NIPAL2: variants seen among roughly 807,000 people sequenced by gnomAD.
NIPAL2 encodes the protein NIPA like domain containing 2, also known as NIPA-like protein 2.
Under a neutral mutation model 48.9 loss-of-function variants are expected in NIPAL2, and 43 were observed. That is an observed-to-expected ratio of 0.88 (90% CI 0.69 to 1.13). The LOEUF is 1.13. Ranked by LOEUF, NIPAL2 falls within the 50% of genes most tolerant of loss-of-function variation. The pLI, the probability that NIPAL2 is intolerant of heterozygous loss-of-function variation, is 0.00. For missense variants in NIPAL2, 446 were observed against 461.4 expected, an observed-to-expected ratio of 0.97 and a Z score of 0.31; for synonymous variants, 167 against 174.6, an observed-to-expected ratio of 0.96 and a Z score of 0.34.
chr8:98,225,344 T>C (rs1459094947), intron 4 of NIPAL2, among the ~76,000 whole-genome samples: 1 of 152,224 alleles, frequency 6.6e-6, no homozygotes, highest in Non-Finnish European at 1.5e-5. Flanking sequence ...TTGCACTTCC[T>C]TAAATAAATT....
At chr8:98,262,665 C>T (rs1440865431) in intron 1 of NIPAL2, among the ~76,000 whole-genome samples, 1 of 151,082 alleles carries the variant, frequency 6.6e-6, no homozygotes, top group Non-Finnish European at 1.5e-5. Flanking sequence ...CTTAGACTCC[C>T]ACACATTAAT....
At chr8:98,253,429 T>C (rs971250937) in intron 2 of NIPAL2, among the ~76,000 whole-genome samples, 2 of 152,232 alleles carry the variant, frequency 1.3e-5, no homozygotes, top group East Asian at 1.9e-4. Flanking sequence ...ATGAAATGAT[T>C]TAAAATTTTT....
At chr8:98,197,871 A>C (rs114305278) in intron 8 of NIPAL2, among the ~76,000 whole-genome samples, 183 of 152,308 alleles carry the variant, frequency 1.2e-3, no homozygotes, top group East Asian at 8.1e-3. Flanking sequence ...TGAAGTCTTG[A>C]ACCTTTCAAA....
At chr8:98,205,062 G>A in intron 7 of NIPAL2, 49 bp downstream of exon 7, 4 of 1,593,082 alleles carry the variant, frequency 2.5e-6, no homozygotes, top group Non-Finnish European at 3.4e-6. Flanking sequence ...AATGCCCAGA[G>A]AAGCACCGGA....
intron 1 of NIPAL2, among the ~76,000 whole-genome samples, chr8:98,287,048 G>C (rs1332362160): frequency 6.6e-6 from 1 of 152,104 alleles, no homozygotes; most frequent in African/African-American, 2.4e-5. Flanking sequence ...AACATAGGAT[G>C]GGGAAGGGGG....
At chr8:98,226,605 T>C (rs1339763397) in intron 4 of NIPAL2, among the ~76,000 whole-genome samples, 2 of 152,146 alleles carry the variant, frequency 1.3e-5, no homozygotes, top group Non-Finnish European at 2.9e-5. Context: ...TCTCCCTCTC[T>C]TTCTCTCTCT....
At chr8:98,197,741 CA>C (rs1258145751) in intron 8 of NIPAL2, among the ~76,000 whole-genome samples, 2 of 152,208 alleles carry the variant, frequency 1.3e-5, no homozygotes, top group Non-Finnish European at 2.9e-5. Flanking sequence ...TTATAAAAAG[CA>C]ACTCCTCATC....
At chr8:98,250,193 T>A (rs1459658536) in intron 3 of NIPAL2, among the ~76,000 whole-genome samples, 1 of 152,156 alleles carries the variant, frequency 6.6e-6, no homozygotes, top group Non-Finnish European at 1.5e-5. Context: ...CAAGCAACAC[T>A]GCAATAGGTT....
Position 98,294,154 on chromosome 8 carries a change from C to CGCTCGGGCTCCG in NIPAL2, c.-29_-18dup. On this transcript the variant is annotated 5_prime_UTR_variant, in exon 1 of 11. Transcript: ENST00000430223. ...CGCTGCCATGAGGTCTCGCTCCCGG[C>CGCTCGGGCTCCG]GCTCGGGCTCCGGCTCGGGCTGCGG... The CGCTCGGGCTCCG allele has an allele frequency of 7.3e-7, 1 of 1,367,540 alleles. No homozygotes were observed. The highest frequency in any genetic ancestry group is 9.4e-7 in the Non-Finnish European group (1 of 1,059,892). The allele number at this position is 1,367,540 out of a possible 1,614,324, so 84.7% of individuals were successfully genotyped here. A position where few individuals can be genotyped will look rare whatever the true frequency, so the allele number is the denominator to read the frequency against.
chr8:98,260,317 A>T (rs947332369), intron 1 of NIPAL2, among the ~76,000 whole-genome samples: 1 of 152,210 alleles, frequency 6.6e-6, no homozygotes, highest in African/African-American at 2.4e-5. Context: ...TACAGCTCCC[A>T]GTGTGAGCGA....
chr8:98,234,091 G>A (rs1242323521), intron 4 of NIPAL2, among the ~76,000 whole-genome samples: 1 of 152,100 alleles, frequency 6.6e-6, no homozygotes, highest in Non-Finnish European at 1.5e-5. Context: ...GATGTTAGAG[G>A]GATCTAGTGG....
At chr8:98,205,431 A>T (rs1189266961) in intron 6 of NIPAL2, among the ~76,000 whole-genome samples, 185 bp from the exon 7 acceptor site, 1 of 151,920 alleles carries the variant, frequency 6.6e-6, no homozygotes, top group East Asian at 1.9e-4. Flanking sequence ...GCCGTGCTGG[A>T]TATCAAATTT....
chr8:98,200,067 C>T (rs1810732181), intron 8 of NIPAL2, among the ~76,000 whole-genome samples: 1 of 152,200 alleles, frequency 6.6e-6, no homozygotes, highest in African/African-American at 2.4e-5. Flanking sequence ...ATCCTACCGC[C>T]TCAGCCTCCT....
chr8:98,242,466 C>T (rs542557298), intron 3 of NIPAL2, among the ~76,000 whole-genome samples: 228 of 147,532 alleles, frequency 1.5e-3, no homozygotes, highest in Non-Finnish European at 2.5e-3. Context: ...AGATTACAGG[C>T]AAAAGCCACT....
intron 5 of NIPAL2, chr8:98,217,105 G>A: frequency 1.0e-6 from 1 of 985,458 alleles, no homozygotes; most frequent in Non-Finnish European, 1.2e-6. Flanking sequence ...CCCATCTGCA[G>A]CAGACAGGCT....
intron 1 of NIPAL2, among the ~76,000 whole-genome samples, chr8:98,272,036 G>T (rs1479377964): frequency 6.6e-6 from 1 of 152,094 alleles, no homozygotes; most frequent in Non-Finnish European, 1.5e-5. Flanking sequence ...TGCACCCCAG[G>T]AATAAAGCCC....
rs111321772 is a variant in NIPAL2 at position 98,192,759 on chromosome 8, A to G, written c.*219T>C. On this transcript the variant is annotated 3_prime_UTR_variant, in exon 11 of 11. Coordinates refer to ENST00000430223, the MANE Select transcript of NIPAL2 (RefSeq NM_001321635.2). ...CTAGATAATCACTAGGGAGAGGTCCAGGGTGTGGGGAACACTCCAAATCAC... is the reference window on the plus strand; with the variant it reads ...CTAGATAATCACTAGGGAGAGGTCCGGGGTGTGGGGAACACTCCAAATCAC... The G allele has an allele frequency of 1.8e-6, 1 of 567,526 alleles. No individual in the cohort carries two copies. The allele number at this position is 567,526 out of a possible 1,614,324, so 35.2% of individuals were successfully genotyped here.
chr8:98,239,564 T>C (rs1812883499), intron 3 of NIPAL2, among the ~76,000 whole-genome samples: 1 of 152,186 alleles, frequency 6.6e-6, no homozygotes, highest in Non-Finnish European at 1.5e-5. Flanking sequence ...TATAAAACAA[T>C]TGTCAGAATT....
intron 1 of NIPAL2, among the ~76,000 whole-genome samples, chr8:98,258,161 C>G (rs1814022130): frequency 6.6e-6 from 1 of 152,162 alleles, no homozygotes; most frequent in African/African-American, 2.4e-5. Flanking sequence ...TGTGATTCCA[C>G]TTACATGAGG....
Sources: gnomAD v4.1 joint callset for allele counts (sites outside exome capture counted in the v4.1 genomes callset) on GRCh38, gnomAD v4.1.1 for gene constraint, MANE v1.5 for transcripts, NCBI Gene and HGNC (gene_info 2026-07-23, HGNC 2026-07-21) for gene names.